NRG1: variants seen among roughly 807,000 people sequenced by gnomAD.
NRG1 encodes the protein neuregulin 1.
Under a neutral mutation model 63.8 loss-of-function variants are expected in NRG1, and 18 were observed. The observed-to-expected ratio is 0.28, with a 90% CI of 0.19 to 0.42. The LOEUF (loss-of-function observed/expected upper bound fraction) is 0.42, where lower values mean the gene tolerates loss of function less well. Among genes scored for constraint, NRG1 ranks in the 10% least tolerant of loss-of-function variants. The pLI is 1.00. For missense variants in NRG1, 762 were observed against 814.7 expected (o/e 0.94, Z 0.79); for synonymous variants, 302 against 301.3 (o/e 1.00, Z -0.02).
At chr8:32,110,184 C>G (rs896840583) in intron 1 of NRG1, among the ~76,000 whole-genome samples, 1 of 151,914 alleles carries the variant, frequency 6.6e-6, no homozygotes. Context: ...AAAGAAAAAC[C>G]TAAGTAAGAC....
At chr8:32,481,917 A>T (rs1563524193) in intron 1 of NRG1, among the ~76,000 whole-genome samples, 1 of 152,216 alleles carries the variant, frequency 6.6e-6, no homozygotes. Context: ...GGGGGTTAGT[A>T]TGAAGACCTC....
chr8:32,470,215 C>T (rs982203101), intron 1 of NRG1, among the ~76,000 whole-genome samples: 2 of 140,728 alleles, frequency 1.4e-5, no homozygotes, highest in African/African-American at 5.3e-5. Flanking sequence ...GAGTCTCGCT[C>T]TGTTGCCCAG....
intron 1 of NRG1, among the ~76,000 whole-genome samples, chr8:32,590,854 G>C (rs1842406027): frequency 6.6e-6 from 1 of 152,066 alleles, no homozygotes. Context: ...TCAAATATTA[G>C]TTTGCACTTT....
intron 1 of NRG1, among the ~76,000 whole-genome samples, chr8:31,906,367 G>C (rs1288323582): frequency 6.6e-6 from 1 of 152,084 alleles, no homozygotes; most frequent in East Asian, 1.9e-4. Flanking sequence ...CAGTTTTATT[G>C]TATCAACACA....
At chr8:32,721,481 A>G (rs2975504) in intron 5 of NRG1, among the ~76,000 whole-genome samples, 145,292 of 152,190 alleles carry the variant, frequency 0.95, 69,772 homozygotes, top group Middle Eastern at 1. Flanking sequence ...AGAAAGTCCT[A>G]GTTCCATTAA....
chr8:32,760,149 C>T (rs1213833705), intron 10 of NRG1, 51 bp from the exon 11 acceptor site: 27 of 1,596,836 alleles, frequency 1.7e-5, no homozygotes, highest in African/African-American at 4.0e-5. Flanking sequence ...CATTTTTTTG[C>T]ATATAATTTT....
At chr8:31,914,186 A>G (rs998134154) in intron 1 of NRG1, among the ~76,000 whole-genome samples, 9 of 152,158 alleles carry the variant, frequency 5.9e-5, no homozygotes, top group East Asian at 1.9e-4. Context: ...AGATTGGTTC[A>G]CGTGGATAGA....
At chr8:31,923,284 C>A (rs989211382) in intron 1 of NRG1, among the ~76,000 whole-genome samples, 42 of 151,682 alleles carry the variant, frequency 2.8e-4, no homozygotes, top group Non-Finnish European at 1.0e-4. Context: ...TTCCTTTATT[C>A]TTTAATGAGG....
At chr8:32,207,307 G>A (rs551804522) in intron 1 of NRG1, among the ~76,000 whole-genome samples, 1 of 152,048 alleles carries the variant, frequency 6.6e-6, no homozygotes, top group African/African-American at 2.4e-5. Context: ...CAAAAGTAAT[G>A]CAGTTTCTGC....
Position 31,640,109 on chromosome 8 carries a change from C to T in NRG1, c.37+678C>T, listed in dbSNP as rs1426193004. 1 of 1,150,082 alleles carries T rather than the reference C, an allele frequency of 8.7e-7. No homozygotes were observed. Among genetic ancestry groups the T allele is most frequent in the Non-Finnish European group, 1.1e-6 (1 of 937,230 alleles). The allele number at this position is 1,150,082 out of a possible 1,614,324, so 71.2% of individuals were successfully genotyped here. ...CCACTACTGCTGCTGCTGGGGACCG[C>T]GGCCCTGGCGCCGGGGGCGGCGGCC... On this transcript the variant is annotated intron_variant, in intron 1 of 10. Transcript: ENST00000519301. This position sits in a 1 kb window ranked among gnomAD's most constrained non-coding sequence, Gnocchi z 6.3.
chr8:32,115,583 C>G (rs1383404665), intron 1 of NRG1, among the ~76,000 whole-genome samples: 1 of 152,020 alleles, frequency 6.6e-6, no homozygotes, highest in Non-Finnish European at 1.5e-5. Context: ...GTTAGTCTTG[C>G]TGTCTCAAGG....
intron 1 of NRG1, among the ~76,000 whole-genome samples, chr8:32,532,702 T>G (rs1003218485): frequency 6.6e-6 from 1 of 152,070 alleles, no homozygotes; most frequent in Non-Finnish European, 1.5e-5. Flanking sequence ...AATTTGATCA[T>G]GTATTAATAG....
intron 1 of NRG1, among the ~76,000 whole-genome samples, chr8:32,579,372 G>A (rs1262525019): frequency 6.6e-6 from 1 of 152,108 alleles, no homozygotes; most frequent in South Asian, 2.1e-4. Flanking sequence ...AGCACTGGGA[G>A]GTGATCTGAC....
intron 1 of NRG1, among the ~76,000 whole-genome samples, chr8:32,493,019 G>A (rs903481591): frequency 6.6e-6 from 1 of 152,118 alleles, no homozygotes. Flanking sequence ...CCAAGACAGA[G>A]CTTAAAGGCC....
intron 1 of NRG1, among the ~76,000 whole-genome samples, chr8:31,751,817 T>C (rs983307069): frequency 1.8e-4 from 28 of 151,890 alleles, no homozygotes; most frequent in African/African-American, 6.8e-4. Context: ...GAGAAAGATG[T>C]TTAAGGTGAC....
chr8:32,281,832 T>C (rs181436235), intron 1 of NRG1, among the ~76,000 whole-genome samples: 57 of 152,182 alleles, frequency 3.7e-4, no homozygotes, highest in Non-Finnish European at 7.2e-4. Flanking sequence ...TAAAAAATAT[T>C]TCAGATGATA....
chr8:31,982,474 A>G (rs1163005558), intron 1 of NRG1, among the ~76,000 whole-genome samples: 3 of 152,078 alleles, frequency 2.0e-5, no homozygotes, highest in Admixed American at 2.0e-4. Flanking sequence ...TTACCAAGGC[A>G]GAGATGTGGA....
At position 32,732,597 on chromosome 8, in the gene NRG1, A is replaced by C. The variant is rs570746391; in HGVS notation, c.632+4519A>C. Reference sequence around the variant, plus strand: ...GGACAATATATTTATTTATAACATGAAGTTAATATGTTCTCCAAATTTCTT... The same window carrying C: ...GGACAATATATTTATTTATAACATGCAGTTAATATGTTCTCCAAATTTCTT... On this transcript the variant is annotated intron_variant, in intron 6 of 11. Transcript: ENST00000356819. Among the ~76,000 whole-genome samples, 7 of 152,264 alleles carry C rather than the reference A, an allele frequency of 4.6e-5. No individual in the cohort carries two copies. The South Asian group carries it at 1.5e-3, about 32-fold the overall frequency.
At chr8:32,755,619 A>T (rs1829537648) in intron 8 of NRG1, among the ~76,000 whole-genome samples, 1 of 152,192 alleles carries the variant, frequency 6.6e-6, no homozygotes, top group African/African-American at 2.4e-5. Flanking sequence ...AAATATGTCC[A>T]CATTCTCACG....
Sources: gnomAD v4.1 joint callset for allele counts (sites outside exome capture counted in the v4.1 genomes callset) on GRCh38, gnomAD v4.1.1 for gene constraint, Gnocchi (gnomAD v3.1) non-coding constraint, MANE v1.5 for transcripts, NCBI Gene and HGNC (gene_info 2026-07-23, HGNC 2026-07-21) for gene names.